WDR59: variants seen among roughly 807,000 people sequenced by gnomAD.
The protein encoded by WDR59 is WD repeat domain 59.
In WDR59, 100 loss-of-function variants were observed where a neutral mutation model predicts 131.2. The observed-to-expected ratio is 0.76, with a 90% confidence interval of 0.65 to 0.90. WDR59 has a LOEUF of 0.90. Ranked by LOEUF, WDR59 falls within the 40% of genes least tolerant of loss-of-function variation. WDR59 has a pLI of 0.00. For synonymous variants in WDR59, 601 were observed against 466.2 expected, an observed-to-expected ratio of 1.29 and a Z score of -3.72; for missense variants, 1,203 against 1,262.2, an observed-to-expected ratio of 0.95 and a Z score of 0.71.
chr16:74,939,049 C>G (rs1376548671), intron 7 of WDR59, among the ~76,000 whole-genome samples: 1 of 151,754 alleles, frequency 6.6e-6, no homozygotes, highest in Non-Finnish European at 1.5e-5. Context: ...ATAAACAGGC[C>G]GGGCACGGTG....
chr16:74,914,395 T>A (rs755068206), intron 13 of WDR59, among the ~76,000 whole-genome samples: 46 of 151,900 alleles, frequency 3.0e-4, no homozygotes, highest in Admixed American at 1.3e-3. Context: ...AAAGAATCCT[T>A]TATATCTTTT....
At position 74,874,268 on chromosome 16, in the gene WDR59, T is replaced by A. The variant is rs1239510072; in HGVS notation, c.2866A>T (p.Thr956Ser). Residue 956 changes from threonine (T) to serine (S), a missense_variant, in exon 26 of 26, where the codon ACC (threonine) becomes TCC (serine). Thr to Ser is a moderately conservative substitution (Grantham distance 58). Coordinates refer to ENST00000262144, the MANE Select transcript of WDR59 (RefSeq NM_030581.4). ...HTSHMMEWFR[T>S]QEVCPTGCGC... Reference sequence around the variant, plus strand: ...CACCCGGTGGGACACACCTCCTGGGTCCGAAACCACTCCATCATGTGGCTG... The same window carrying A: ...CACCCGGTGGGACACACCTCCTGGGACCGAAACCACTCCATCATGTGGCTG... The A allele has an allele frequency of 1.9e-6, 3 of 1,614,128 alleles. No homozygotes were observed. The highest frequency in any genetic ancestry group is 2.5e-6 in the Non-Finnish European group (3 of 1,180,026).
chr16:74,981,064 C>CAAA (rs34466011), intron 1 of WDR59, among the ~76,000 whole-genome samples: 1 of 145,258 alleles, frequency 6.9e-6, no homozygotes, highest in African/African-American at 2.6e-5. Flanking sequence ...CCCATCTCTG[C>CAAA]AAAAAAAAAC....
At chr16:74,881,872 CA>C (rs1231563634) in intron 25 of WDR59, among the ~76,000 whole-genome samples, 97 of 48,440 alleles carry the variant, frequency 2.0e-3, no homozygotes, top group Admixed American at 2.5e-3. Context: ...GACTCCGTCT[CA>C]AAAAAAAAAA....
intron 25 of WDR59, among the ~76,000 whole-genome samples, chr16:74,877,944 A>C (rs1964294187): frequency 6.6e-6 from 1 of 152,228 alleles, no homozygotes; most frequent in South Asian, 2.1e-4. Context: ...ATCACCTCTG[A>C]CAACTCTTTC....
intron 25 of WDR59, 144 bp from the exon 26 acceptor site, chr16:74,874,588 TTTTTTA>T (rs1567677806): frequency 8.5e-6 from 6 of 701,878 alleles, no homozygotes; most frequent in Non-Finnish European, 1.2e-5. Flanking sequence ...ATTTTCTGTT[TTTTTTA>T]TTTTTATTTT....
At chr16:74,949,956 C>T (rs904264152) in intron 4 of WDR59, 158 bp from the exon 5 acceptor site, 28 of 722,470 alleles carry the variant, frequency 3.9e-5, no homozygotes, top group African/African-American at 2.5e-4. Context: ...TCCTTGGGAA[C>T]GAACATGAGT....
intron 3 of WDR59, among the ~76,000 whole-genome samples, chr16:74,953,916 G>A (rs554227254): frequency 6.6e-6 from 1 of 151,026 alleles, no homozygotes; most frequent in African/African-American, 2.4e-5. Flanking sequence ...GCAGGAGAAT[G>A]GCGTGAACCC....
intron 4 of WDR59, 143 bp downstream of exon 4, chr16:74,951,315 T>C (rs1365662644): frequency 2.7e-6 from 2 of 740,904 alleles, no homozygotes; most frequent in Middle Eastern, 3.8e-4. Flanking sequence ...ACCATCTCAG[T>C]GAATGCTAAT....
intron 8 of WDR59, among the ~76,000 whole-genome samples, chr16:74,935,492 G>C (rs2031727339): frequency 6.6e-6 from 1 of 152,000 alleles, no homozygotes; most frequent in Non-Finnish European, 1.5e-5. Flanking sequence ...AAACTGAAGT[G>C]AAATACACAT....
rs761933462 is a variant in WDR59, at chr16:74,888,203, C to T, written c.2312G>A (p.Arg771His). 5.0e-5 allele frequency: 81 copies of T among 1,612,344 alleles called. 1 individual carries two copies. The Middle Eastern group carries it at 8.2e-4, about 16-fold the overall frequency. Residue 771 changes from arginine (R) to histidine (H), a missense_variant, in exon 22 of 26, where the codon CGT becomes CAT. Physicochemically the swap from Arg to His is conservative, Grantham distance 29. Coordinates refer to ENST00000262144, the MANE Select transcript of WDR59 (RefSeq NM_030581.4). ...LPNPFGPFPNRSSNLVVSHSR... is the reference protein window; with the variant it reads ...LPNPFGPFPNHSSNLVVSHSR... ...ATGGGACACCACAAGATTAGAAGAA[C>T]GGTTAGGAAAAGGCCCAAAGGGGTT...
At chr16:74,903,844 G>A in intron 18 of WDR59, 103 bp downstream of exon 18, 1 of 1,367,236 alleles carries the variant, frequency 7.3e-7, no homozygotes, top group Non-Finnish European at 9.9e-7. Flanking sequence ...AAAGTGAAAG[G>A]CTACAGGGTG....
At chr16:74,950,224 C>T (rs2032917015) in intron 4 of WDR59, among the ~76,000 whole-genome samples, 1 of 152,070 alleles carries the variant, frequency 6.6e-6, no homozygotes, top group African/African-American at 2.4e-5. Flanking sequence ...CACCTGTAAT[C>T]CCAGCTACTT....
At chr16:74,981,656 A>ATTTT (rs1567450978) in intron 1 of WDR59, among the ~76,000 whole-genome samples, 7 of 29,554 alleles carry the variant, frequency 2.4e-4, no homozygotes, top group African/African-American at 6.3e-4. Flanking sequence ...ATATATATAT[A>ATTTT]TATATTTTTT....
intron 10 of WDR59, among the ~76,000 whole-genome samples, chr16:74,918,828 G>C (rs532064907): frequency 6.6e-6 from 1 of 152,282 alleles, no homozygotes; most frequent in Admixed American, 6.5e-5. Context: ...CACAGGGTGA[G>C]TGGGCAGGAA....
intron 13 of WDR59, among the ~76,000 whole-genome samples, chr16:74,913,163 T>C (rs1212272251): frequency 6.6e-6 from 1 of 152,098 alleles, no homozygotes; most frequent in Non-Finnish European, 1.5e-5. Context: ...GAGCTACTTC[T>C]TGCAGGAGTC....
intron 1 of WDR59, among the ~76,000 whole-genome samples, chr16:74,968,538 T>C (rs1054156909): frequency 1.3e-5 from 2 of 152,086 alleles, no homozygotes; most frequent in East Asian, 1.9e-4. Context: ...CTGGCCAACA[T>C]GGCGAAACCC....
In WDR59 at chr16:74,871,594, A is replaced by G. The variant is rs906631480; in HGVS notation, c.*2615T>C. 1 of 152,238 alleles carries G rather than the reference A, an allele frequency of 6.6e-6. No homozygotes were observed. The highest frequency in any genetic ancestry group is 1.5e-5 in the Non-Finnish European group (1 of 68,034). 9.4% of individuals were successfully genotyped at this position (152,238 alleles called of 1,614,324 possible). On this transcript the variant is annotated 3_prime_UTR_variant, in exon 26 of 26. Coordinates refer to ENST00000262144, the MANE Select transcript of WDR59 (RefSeq NM_030581.4). Reference sequence around the variant, plus strand: ...CAATTTTGAAAGTCAATGTTCCTCCAACAATAAAACAAGAAAAACATCTCA... The same window carrying G: ...CAATTTTGAAAGTCAATGTTCCTCCGACAATAAAACAAGAAAAACATCTCA...
rs61733726 is a variant in WDR59 at position 74,887,695 on chromosome 16, C to A, written c.2407G>T (p.Gly803Cys). The change falls in exon 23 of 26, where the codon GGC becomes TGC. Residue 803 changes from glycine (G) to cysteine (C), a missense_variant. Physicochemically the swap from Gly to Cys is radical, Grantham distance 159. Transcript: ENST00000262144. Reference sequence around the variant, plus strand: ...TTTCCATACAAACCTATGTTCCAGCCGCCAGTGTTGAGCCCTGGGTCTGAC... The same window carrying A: ...TTTCCATACAAACCTATGTTCCAGCAGCCAGTGTTGAGCCCTGGGTCTGAC... ...SMSDPGLNTG[G>C]WNIAGREAEH... The A allele has an allele frequency of 2.3e-3, 3,632 of 1,614,082 alleles. 84 individuals are homozygous for A. The African/African-American group carries it at 0.044, about 19-fold the overall frequency.
Sources: gnomAD v4.1 joint callset for allele counts (sites outside exome capture counted in the v4.1 genomes callset) on GRCh38, gnomAD v4.1.1 for gene constraint, MANE v1.5 for transcripts, NCBI Gene and HGNC (gene_info 2026-07-23, HGNC 2026-07-21) for gene names.